ACOXL: variants seen among roughly 807,000 people sequenced by gnomAD.
The protein encoded by ACOXL is acyl-coenzyme A oxidase-like protein.
ACOXL carries 70 observed loss-of-function variants against 71.9 expected under a neutral mutation model. That is an observed-to-expected ratio of 0.97 (90% CI 0.80 to 1.19). The LOEUF (loss-of-function observed/expected upper bound fraction) is 1.19, where lower values mean the gene tolerates loss of function less well. Among genes scored for constraint, ACOXL ranks in the 50% most tolerant of loss-of-function variants. The pLI is 0.00. For synonymous variants in ACOXL, 253 were observed against 281.6 expected (o/e 0.90, Z 1.02); for missense variants, 703 against 736.3 (o/e 0.95, Z 0.52).
intron 12 of ACOXL, among the ~76,000 whole-genome samples, chr2:110,951,831 A>G (rs2061344349): frequency 6.6e-6 from 1 of 152,130 alleles, no homozygotes; most frequent in African/African-American, 2.4e-5. Context: ...GATCTATACA[A>G]CTCAGTCATG....
intron 14 of ACOXL, among the ~76,000 whole-genome samples, chr2:111,027,568 C>T (rs1451011987): frequency 6.6e-6 from 1 of 152,050 alleles, no homozygotes; most frequent in Admixed American, 6.5e-5. Flanking sequence ...GATCTGCCCA[C>T]CTCAGCCTCC....
intron 9 of ACOXL, among the ~76,000 whole-genome samples, chr2:110,818,831 T>TCTCCAG (rs1231379942): frequency 7.8e-6 from 1 of 127,614 alleles, no homozygotes; most frequent in African/African-American, 2.5e-5. Flanking sequence ...CAGGTGCTGA[T>TCTCCAG]GTCAGCACCC....
chr2:110,773,771 A>G (rs995797439), intron 2 of ACOXL, among the ~76,000 whole-genome samples: 1 of 152,196 alleles, frequency 6.6e-6, no homozygotes, highest in African/African-American at 2.4e-5. Context: ...AGACTTGGAC[A>G]TTGGCCACTT....
chr2:111,039,328 T>C lies in ACOXL; in HGVS notation c.1369+7614T>C, dbSNP rs924040816. Among the ~76,000 whole-genome samples, 6 of 152,252 alleles carry C rather than the reference T, an allele frequency of 3.9e-5. No individual in the cohort carries two copies. In the East Asian group the frequency reaches 9.6e-4, roughly 24 times the overall value. On this transcript the variant is annotated intron_variant, in intron 15 of 17. Coordinates refer to ENST00000439055, the MANE Select transcript of ACOXL (RefSeq NM_001142807.4). ...TACCTCTCTCTTTGCTTATGACTTATGAGATTTTATTTGCAGAGAAAACAT... is the reference window on the plus strand; with the variant it reads ...TACCTCTCTCTTTGCTTATGACTTACGAGATTTTATTTGCAGAGAAAACAT...
chr2:110,785,097 T>C (rs926556891), intron 3 of ACOXL, among the ~76,000 whole-genome samples: 1 of 152,264 alleles, frequency 6.6e-6, no homozygotes, highest in Non-Finnish European at 1.5e-5. Context: ...TAATCCTTTG[T>C]GATTTTCTTT....
chr2:110,808,348 G>A (rs1686919176), intron 9 of ACOXL, among the ~76,000 whole-genome samples: 2 of 152,200 alleles, frequency 1.3e-5, no homozygotes, highest in South Asian at 2.1e-4. Context: ...CCCAGGATGT[G>A]TGATTCTGCA....
At chr2:111,012,666 A>T (rs2064223914) in intron 14 of ACOXL, among the ~76,000 whole-genome samples, 1 of 152,224 alleles carries the variant, frequency 6.6e-6, no homozygotes, top group Non-Finnish European at 1.5e-5. Context: ...AATCTTCCAA[A>T]TATTTGGCTA....
In ACOXL at chr2:110,824,701, T is replaced by G. The variant is rs550707487; in HGVS notation, c.754-16670T>G. 5.3e-5 allele frequency among the ~76,000 whole-genome samples: 8 copies of G among 152,370 alleles called. No homozygotes were observed. The South Asian group carries it at 1.7e-3, about 32-fold the overall frequency. On this transcript the variant is annotated intron_variant, in intron 9 of 17. Coordinates refer to ENST00000439055, the MANE Select transcript of ACOXL (RefSeq NM_001142807.4). ...TTTATCTTCCATTTCTCTGCTAAGATTCCCTATATTTTCATTAATTAGTGC... is the reference window on the plus strand; with the variant it reads ...TTTATCTTCCATTTCTCTGCTAAGAGTCCCTATATTTTCATTAATTAGTGC...
At chr2:110,898,174 A>G (rs1428265318) in intron 10 of ACOXL, among the ~76,000 whole-genome samples, 1 of 84,872 alleles carries the variant, frequency 1.2e-5, no homozygotes, top group East Asian at 3.6e-4. Context: ...AGAATTATTA[A>G]TAGCAACAGT....
chr2:110,900,284 A>G (rs4849201), intron 10 of ACOXL, among the ~76,000 whole-genome samples: 27 of 151,924 alleles, frequency 1.8e-4, no homozygotes, highest in African/African-American at 5.8e-4. Context: ...TTGTTTGGGA[A>G]AAAGAAACAA....
At chr2:111,001,360 G>A (rs1029345552) in intron 14 of ACOXL, among the ~76,000 whole-genome samples, 18 of 151,580 alleles carry the variant, frequency 1.2e-4, no homozygotes, top group African/African-American at 4.1e-4. Flanking sequence ...GAGCCACTAA[G>A]CTTCTGCAAT....
At chr2:110,897,029 G>T (rs1574033044) in intron 10 of ACOXL, among the ~76,000 whole-genome samples, 1 of 151,758 alleles carries the variant, frequency 6.6e-6, no homozygotes, top group South Asian at 2.1e-4. Context: ...TACAGAGTGA[G>T]TTCTCTGACC....
At chr2:110,786,439 G>A (rs1469543123) in intron 3 of ACOXL, among the ~76,000 whole-genome samples, 1 of 152,192 alleles carries the variant, frequency 6.6e-6, no homozygotes, top group Non-Finnish European at 1.5e-5. Context: ...CTCTTGGATG[G>A]GTTGGCTGTG....
At chr2:111,076,224 T>C (rs1226631045) in intron 16 of ACOXL, among the ~76,000 whole-genome samples, 2 of 152,216 alleles carry the variant, frequency 1.3e-5, no homozygotes, top group Admixed American at 1.3e-4. Flanking sequence ...TGTGGATCTG[T>C]CTACTTATCC....
chr2:110,918,051 A>C (rs2059929439), intron 11 of ACOXL, among the ~76,000 whole-genome samples: 1 of 152,264 alleles, frequency 6.6e-6, no homozygotes, highest in Admixed American at 6.5e-5. Context: ...GAATTAGAAA[A>C]AAACTACTTT....
intron 10 of ACOXL, among the ~76,000 whole-genome samples, chr2:110,905,117 G>A (rs1452434973): frequency 6.6e-6 from 1 of 152,124 alleles, no homozygotes; most frequent in Non-Finnish European, 1.5e-5. Flanking sequence ...GCTGGGCCTC[G>A]CAGGAGGGGC....
chr2:110,764,139 G>A (rs1337993836), intron 1 of ACOXL, among the ~76,000 whole-genome samples: 2 of 152,160 alleles, frequency 1.3e-5, no homozygotes, highest in Middle Eastern at 3.2e-3. Context: ...TTACCATATG[G>A]TCCAGTAGTC....
chr2:110,823,630 A>G lies in ACOXL; in HGVS notation c.754-17741A>G, dbSNP rs548152820. Reference sequence around the variant, plus strand: ...ATTCTGGGTCCTTGCCAGTAATGGTATTGTCAGTGTTTGAGATTTTAGCCA... The same window carrying G: ...ATTCTGGGTCCTTGCCAGTAATGGTGTTGTCAGTGTTTGAGATTTTAGCCA... On this transcript the variant is annotated intron_variant, in intron 9 of 17. Coordinates refer to ENST00000439055, the MANE Select transcript of ACOXL (RefSeq NM_001142807.4). Among the ~76,000 whole-genome samples the G allele has an allele frequency of 1.3e-5, 2 of 152,270 alleles. 1 individual carries two copies. Among genetic ancestry groups the G allele is most frequent in the Admixed American group, 1.3e-4 (2 of 15,304 alleles).
chr2:110,999,082 T>G (rs556071352), intron 14 of ACOXL, among the ~76,000 whole-genome samples: 26 of 152,222 alleles, frequency 1.7e-4, no homozygotes, highest in Non-Finnish European at 2.8e-4. Flanking sequence ...ACAGACAGAG[T>G]GCCTTAAACA....
Sources: gnomAD v4.1 joint callset for allele counts (sites outside exome capture counted in the v4.1 genomes callset) on GRCh38, gnomAD v4.1.1 for gene constraint, MANE v1.5 for transcripts, NCBI Gene and HGNC (gene_info 2026-07-23, HGNC 2026-07-21) for gene names.